FAM184A: variants seen among roughly 807,000 people sequenced by gnomAD.
FAM184A encodes the protein family with sequence similarity 184 member A, also known as protein FAM184A.
Under a neutral mutation model 143.8 loss-of-function variants are expected in FAM184A, and 99 were observed. That is an observed-to-expected ratio of 0.69 (90% confidence interval 0.58 to 0.81). The LOEUF is 0.81. Among genes scored for constraint, FAM184A ranks in the 40% least tolerant of loss-of-function variants. FAM184A has a pLI of 0.00. For synonymous variants in FAM184A, 427 were observed against 446.4 expected, an observed-to-expected ratio of 0.96 and a Z score of 0.55; for missense variants, 1,217 against 1,310.5, an observed-to-expected ratio of 0.93 and a Z score of 1.10.
At chr6:119,011,069 G>A (rs1030615671) in intron 6 of FAM184A, 7 of 363,960 alleles carry the variant, frequency 1.9e-5, no homozygotes, top group Admixed American at 8.9e-5. Context: ...CCTATGTGGT[G>A]ATATTCTGTT....
chr6:118,978,835 CCAAAA>C (rs1160345940), intron 11 of FAM184A, among the ~76,000 whole-genome samples: 3 of 152,132 alleles, frequency 2.0e-5, no homozygotes, highest in African/African-American at 4.8e-5. Flanking sequence ...AAAACAAAAC[CCAAAA>C]CAAATCTTTA....
intron 1 of FAM184A, among the ~76,000 whole-genome samples, chr6:119,109,584 T>C (rs1421840802): frequency 6.6e-6 from 1 of 152,186 alleles, no homozygotes; most frequent in African/African-American, 2.4e-5. Context: ...TAAAAAGATA[T>C]GGATGAGGAC....
At chr6:119,139,048 C>A (rs1030513953) in intron 1 of FAM184A, among the ~76,000 whole-genome samples, 6 of 152,196 alleles carry the variant, frequency 3.9e-5, no homozygotes, top group Non-Finnish European at 7.3e-5. Flanking sequence ...TGCACGGTAG[C>A]AGATTTCACA....
Position 119,024,420 on chromosome 6 carries a change from A to G in FAM184A, c.553T>C (p.Leu185=). ...LQVQFEKDKR[L]ALEDLQAAHR... ...GCAGCTTGCAAGTCTTCCAATGCCA[A>G]TCGTTTGTCTTTTTCAAACTGTACT... Residue 185 remains leucine (L), a synonymous_variant, in exon 2 of 18, where the codon TTG becomes CTG. Transcript: ENST00000338891. 1 of 1,614,144 alleles carries G rather than the reference A, an allele frequency of 6.2e-7. No homozygotes were observed. Among genetic ancestry groups the G allele is most frequent in the South Asian group, 1.1e-5 (1 of 91,078 alleles).
At chr6:119,038,626 A>C (rs552402630) in intron 1 of FAM184A, among the ~76,000 whole-genome samples, 1 of 152,358 alleles carries the variant, frequency 6.6e-6, no homozygotes, top group South Asian at 2.1e-4. Flanking sequence ...CTTGTTTAGC[A>C]TATCATCAAG....
At chr6:119,015,792 G>A in intron 5 of FAM184A, among the ~76,000 whole-genome samples, 1 of 152,266 alleles carries the variant, frequency 6.6e-6, no homozygotes, top group Non-Finnish European at 1.5e-5. Context: ...GGGCTCCTGA[G>A]TCTGGTGGGG....
In FAM184A at chr6:119,146,927, T is replaced by C. The variant is rs574259563; in HGVS notation, c.-202+2151A>G. 1.2e-3 allele frequency among the ~76,000 whole-genome samples: 187 copies of C among 152,186 alleles called. 2 individuals are homozygous for C. The highest frequency in any genetic ancestry group is 4.5e-3 in the African/African-American group (185 of 41,510). On this transcript the variant is annotated intron_variant, in intron 1 of 16. Coordinates refer to the FAM184A transcript ENST00000352896. Reference sequence around the variant, plus strand: ...AGATGTGCACCCCCAGGCTTGCATTTATAGCTCTTGCCCTTTCCACATGAT... The same window carrying C: ...AGATGTGCACCCCCAGGCTTGCATTCATAGCTCTTGCCCTTTCCACATGAT...
intron 1 of FAM184A, among the ~76,000 whole-genome samples, chr6:119,033,972 CAG>C (rs1220640758): frequency 5.0e-4 from 51 of 102,860 alleles, no homozygotes; most frequent in African/African-American, 1.9e-3. Flanking sequence ...GCCTGAGTGA[CAG>C]AGTGAGACTC....
chr6:119,009,954 T>C (rs1785040897), intron 6 of FAM184A, among the ~76,000 whole-genome samples: 1 of 152,170 alleles, frequency 6.6e-6, no homozygotes, highest in Non-Finnish European at 1.5e-5. Context: ...ATGAAAGTAT[T>C]TAACTCCTAG....
chr6:119,106,180 C>G (rs1301934769), intron 1 of FAM184A, among the ~76,000 whole-genome samples: 1 of 152,150 alleles, frequency 6.6e-6, no homozygotes, highest in Non-Finnish European at 1.5e-5. Context: ...ATCACAAGGT[C>G]AGGAGATCGA....
intron 1 of FAM184A, among the ~76,000 whole-genome samples, chr6:119,033,676 A>T (rs1430303502): frequency 2.0e-5 from 3 of 148,172 alleles, no homozygotes; most frequent in South Asian, 4.3e-4. Flanking sequence ...AAAAAAAAAA[A>T]AAGAAAGAAA....
intron 1 of FAM184A, among the ~76,000 whole-genome samples, chr6:119,048,873 G>A (rs927727153): frequency 6.6e-6 from 1 of 152,086 alleles, no homozygotes; most frequent in African/African-American, 2.4e-5. Flanking sequence ...ACAAACAAAT[G>A]AGAACACATC....
chr6:119,045,986 A>T (rs1786515646), intron 1 of FAM184A, among the ~76,000 whole-genome samples: 1 of 152,208 alleles, frequency 6.6e-6, no homozygotes, highest in Non-Finnish European at 1.5e-5. Context: ...TGATTACTAA[A>T]GTAATCACTA....
chr6:118,968,592 G>A (rs1043797331), intron 14 of FAM184A, among the ~76,000 whole-genome samples: 2 of 152,176 alleles, frequency 1.3e-5, no homozygotes, highest in African/African-American at 4.8e-5. Flanking sequence ...GGCAATTTGG[G>A]TTTTATGTTG....
At chr6:119,043,058 T>C (rs912279388) in intron 1 of FAM184A, among the ~76,000 whole-genome samples, 1 of 151,912 alleles carries the variant, frequency 6.6e-6, no homozygotes, top group Middle Eastern at 3.2e-3. Context: ...CATTGACATT[T>C]GGGTGTGTTC....
At chr6:119,080,551 T>A (rs565244119), upstream of FAM184A, among the ~76,000 whole-genome samples, 1 of 152,198 alleles carries the variant, frequency 6.6e-6, no homozygotes, top group Non-Finnish European at 1.5e-5. Context: ...AAATAATGAA[T>A]AGAAACATAA....
chr6:119,005,703 G>A (rs1268972484), intron 7 of FAM184A: 1 of 170,972 alleles, frequency 5.8e-6, no homozygotes, highest in African/African-American at 2.4e-5. Flanking sequence ...TGACTTCAGA[G>A]CCTATACTCT....
chr6:119,097,510 T>C lies in FAM184A; in HGVS notation c.-202+51568A>G, dbSNP rs534666571. Reference sequence around the variant, plus strand: ...GGGTACAAGCAGTTTATTTGGGAGGTTGTGATACTATTTTACATATACATT... The same window carrying C: ...GGGTACAAGCAGTTTATTTGGGAGGCTGTGATACTATTTTACATATACATT... On this transcript the variant is annotated intron_variant, in intron 1 of 16. Coordinates refer to the FAM184A transcript ENST00000352896. 8.3e-4 allele frequency among the ~76,000 whole-genome samples: 127 copies of C among 152,194 alleles called. 1 individual carries two copies. The highest frequency in any genetic ancestry group is 2.9e-3 in the African/African-American group (121 of 41,510).
In FAM184A at chr6:119,011,433, T is replaced by C. The variant is rs1357966746; in HGVS notation, c.1531-2A>G. On this transcript the variant is annotated splice_acceptor_variant, in intron 5 of 17. Transcript: ENST00000338891. LOFTEE classifies it high-confidence loss of function. Reference sequence around the variant, plus strand: ...TTTGTTATGTTGTTCTTCCAAATCCTTAGAAAAAGAAATTTTTTAAAAATT... The same window carrying C: ...TTTGTTATGTTGTTCTTCCAAATCCCTAGAAAAAGAAATTTTTTAAAAATT... 6.6e-7 allele frequency: 1 copy of C among 1,507,808 alleles called. No individual in the cohort carries two copies. The highest frequency in any genetic ancestry group is 9.0e-7 in the Non-Finnish European group (1 of 1,111,346). 93.4% of individuals were successfully genotyped at this position (1,507,808 alleles called of 1,614,324 possible). A position where few individuals can be genotyped will look rare whatever the true frequency, so the allele number is the denominator to read the frequency against.
Sources: gnomAD v4.1 joint callset for allele counts (sites outside exome capture counted in the v4.1 genomes callset) on GRCh38, gnomAD v4.1.1 for gene constraint, MANE v1.5 for transcripts, NCBI Gene and HGNC (gene_info 2026-07-23, HGNC 2026-07-21) for gene names.